The following PLEKHG3 variants were observed in gnomAD, a reference collection of about 807,000 sequenced individuals.
PLEKHG3 encodes the protein pleckstrin homology domain-containing family G member 3.
A neutral mutation model predicts 94.9 loss-of-function variants in PLEKHG3; 62 were observed. The ratio of observed to expected loss-of-function variants is 0.65; its 90% CI spans 0.53 to 0.81. PLEKHG3 has a LOEUF of 0.81. Ranked by LOEUF, PLEKHG3 falls within the 30% of genes least tolerant of loss-of-function variation. The pLI, the probability that PLEKHG3 is intolerant of heterozygous loss-of-function variation, is 0.00. For missense variants in PLEKHG3, 1,461 were observed against 1,619.3 expected (o/e 0.90, Z 1.68); for synonymous variants, 614 against 654.0 (o/e 0.94, Z 0.93).
intron 1 of PLEKHG3, among the ~76,000 whole-genome samples, chr14:64,711,273 C>T (rs1291310266): frequency 6.6e-6 from 1 of 152,202 alleles, no homozygotes; most frequent in African/African-American, 2.4e-5. Flanking sequence ...GATGCCCTCT[C>T]TCTACAGAGG....
chr14:64,731,267 G>A lies in PLEKHG3; in HGVS notation c.850-94G>A. The A allele has an allele frequency of 6.9e-7, 1 of 1,453,506 alleles. No individual in the cohort carries two copies. The highest frequency in any genetic ancestry group is 9.6e-7 in the Non-Finnish European group (1 of 1,045,428). The allele number at this position is 1,453,506 out of a possible 1,614,324, so 90.0% of individuals were successfully genotyped here. ...TGGCCACCCTGCTGGGATGAGCTGG[G>A]CAGTGGCATTGGGGGAGCCTTTGTG... On this transcript the variant is annotated intron_variant, in intron 7 of 16. Coordinates refer to ENST00000247226, the MANE Select transcript of PLEKHG3 (RefSeq NM_001308147.2). This position sits in a 1 kb window ranked among gnomAD's most constrained non-coding sequence, Gnocchi z 6.1.
Position 64,715,132 on chromosome 14 carries a change from G to C in PLEKHG3, c.-40+10428G>C, listed in dbSNP as rs117460775. 6.6e-6 allele frequency among the ~76,000 whole-genome samples: 1 copy of C among 152,310 alleles called. No individual in the cohort carries two copies. Among genetic ancestry groups the C allele is most frequent in the African/African-American group, 2.4e-5 (1 of 41,546 alleles). On this transcript the variant is annotated intron_variant, in intron 1 of 16. Transcript: ENST00000247226. The surrounding 1 kb of genome is among the most constrained non-coding windows in gnomAD (Gnocchi z 4.4). ...TGTTTTTGGAGGCATCTACAGGTGAGTTATGAATTCCCAGGTGACTCTATT... is the reference window on the plus strand; with the variant it reads ...TGTTTTTGGAGGCATCTACAGGTGACTTATGAATTCCCAGGTGACTCTATT...
chr14:64,705,333 C>G (rs897928983), intron 1 of PLEKHG3, among the ~76,000 whole-genome samples: 1 of 152,238 alleles, frequency 6.6e-6, no homozygotes, highest in Non-Finnish European at 1.5e-5. Context: ...CAGTATAAGG[C>G]GTGCAAGCTT....
Position 64,718,037 on chromosome 14 carries a change from G to A in PLEKHG3, c.-39-9556G>A, listed in dbSNP as rs936890695. On this transcript the variant is annotated intron_variant, in intron 1 of 16. Transcript: ENST00000247226. The surrounding 1 kb of genome is among the most constrained non-coding windows in gnomAD (Gnocchi z 5.0). ...GCGTGGGGGTGGTCTGGGTCCTCTCGGGACTCAGCTGCTCTCTTGGCAGCA... is the reference window on the plus strand; with the variant it reads ...GCGTGGGGGTGGTCTGGGTCCTCTCAGGACTCAGCTGCTCTCTTGGCAGCA... Among the ~76,000 whole-genome samples the A allele has an allele frequency of 6.6e-6, 1 of 152,130 alleles. No individual in the cohort carries two copies. Among genetic ancestry groups the A allele is most frequent in the South Asian group, 2.1e-4 (1 of 4,818 alleles).
At position 64,731,668 on chromosome 14, in the gene PLEKHG3, CA is replaced by C; in HGVS notation, c.1033-45del. 6.5e-7 allele frequency: 1 copy of C among 1,540,160 alleles called. No homozygotes were observed. The highest frequency in any genetic ancestry group is 9.0e-7 in the Non-Finnish European group (1 of 1,112,714). ...TCTGAGATCACCCTCCCTGCTTCCC[CA>C]GGCTGTCAACCTTGTGCTTGACTGT... On this transcript the variant is annotated intron_variant, in intron 8 of 16. Transcript: ENST00000247226. The surrounding 1 kb of genome is among the most constrained non-coding windows in gnomAD (Gnocchi z 6.1).
chr14:64,737,977 T>A (rs866424289), intron 14 of PLEKHG3: 23 of 1,195,824 alleles, frequency 1.9e-5, no homozygotes, highest in Admixed American at 2.7e-5. Flanking sequence ...GAGGAGGTGG[T>A]GGAGGAGGAG....
At position 64,731,849 on chromosome 14, in the gene PLEKHG3, C is replaced by T; in HGVS notation, c.1125+43C>T. On this transcript the variant is annotated intron_variant, in intron 9 of 16. Coordinates refer to ENST00000247226, the MANE Select transcript of PLEKHG3 (RefSeq NM_001308147.2). This position sits in a 1 kb window ranked among gnomAD's most constrained non-coding sequence, Gnocchi z 6.1. ...CTCAGGGGCTAGGGAACAAGATGCC[C>T]AGGGGACACCTGCGTGGGACTCCTG... The T allele has an allele frequency of 7.2e-7, 1 of 1,387,180 alleles. No individual in the cohort carries two copies. Among genetic ancestry groups the T allele is most frequent in the Non-Finnish European group, 1.0e-6 (1 of 975,484 alleles). The allele number at this position is 1,387,180 out of a possible 1,614,324, so 85.9% of individuals were successfully genotyped here.
At position 64,721,664 on chromosome 14, in the gene PLEKHG3, C is replaced by T. The variant is rs1028770058; in HGVS notation, c.-39-5929C>T. 2.6e-5 allele frequency among the ~76,000 whole-genome samples: 4 copies of T among 152,146 alleles called. No homozygotes were observed. Among genetic ancestry groups the T allele is most frequent in the African/African-American group, 9.7e-5 (4 of 41,428 alleles). ...GCACACAAAGTCACTCCCCGGGGAG[C>T]CTTCTCTCGCGCTTTATTACGGTGC... is the stretch of plus-strand genomic sequence containing the variant. On this transcript the variant is annotated intron_variant, in intron 1 of 16. Transcript: ENST00000247226. The surrounding 1 kb of genome is among the most constrained non-coding windows in gnomAD (Gnocchi z 4.3).
At chr14:64,734,325 C>G (rs970642254) in intron 12 of PLEKHG3, among the ~76,000 whole-genome samples, 14 of 152,148 alleles carry the variant, frequency 9.2e-5, no homozygotes, top group African/African-American at 3.4e-4. Flanking sequence ...TCTTCTTGTC[C>G]TCCTCAACTT....
chr14:64,715,760 C>T lies in PLEKHG3; in HGVS notation c.-40+11056C>T, dbSNP rs1594664543. On this transcript the variant is annotated intron_variant, in intron 1 of 16. Transcript: ENST00000247226. The surrounding 1 kb of genome is among the most constrained non-coding windows in gnomAD (Gnocchi z 4.4). ...TGCAGGTCCTCAGCCCTGTGGCGCTCACCTCCCAGGGCTGTGGCCTGGGTC... is the reference window on the plus strand; with the variant it reads ...TGCAGGTCCTCAGCCCTGTGGCGCTTACCTCCCAGGGCTGTGGCCTGGGTC... The T allele has an allele frequency of 3.1e-6, 1 of 321,232 alleles. No homozygotes were observed. Among genetic ancestry groups the T allele is most frequent in the East Asian group, 1.1e-4 (1 of 9,380 alleles). The allele number at this position is 321,232 out of a possible 1,614,324, so 19.9% of individuals were successfully genotyped here.
Position 64,718,593 on chromosome 14 carries a change from T to C in PLEKHG3, c.-39-9000T>C, listed in dbSNP as rs909522531. ...GGGTTATCTTCAAATCAGAGAGAGA[T>C]TGAGGCACAAAGAGCCCGCTGACTT... On this transcript the variant is annotated intron_variant, in intron 1 of 16. Transcript: ENST00000247226. This position sits in a 1 kb window ranked among gnomAD's most constrained non-coding sequence, Gnocchi z 5.0. 6.6e-6 allele frequency among the ~76,000 whole-genome samples: 1 copy of C among 152,194 alleles called. No homozygotes were observed. Among genetic ancestry groups the C allele is most frequent in the Non-Finnish European group, 1.5e-5 (1 of 68,038 alleles).
chr14:64,738,986 G>A lies in PLEKHG3; in HGVS notation c.1518+131G>A, dbSNP rs2139394696. 1.5e-6 allele frequency: 1 copy of A among 662,828 alleles called. No individual in the cohort carries two copies. Among genetic ancestry groups the A allele is most frequent in the South Asian group, 1.7e-5 (1 of 57,196 alleles). The allele number at this position is 662,828 out of a possible 1,614,324, so 41.1% of individuals were successfully genotyped here. The stretch of plus-strand genomic sequence containing the variant: ...GGGAACAGAGATTCCCCACCTCCCA[G>A]GACTCTCAGCCCTGCATGAAGCCTG... On this transcript the variant is annotated intron_variant, in intron 15 of 16. Transcript: ENST00000247226. This position sits in a 1 kb window ranked among gnomAD's most constrained non-coding sequence, Gnocchi z 4.8.
chr14:64,749,721 C>A lies in PLEKHG3; in HGVS notation c.*6018C>A. The A allele has an allele frequency of 6.2e-7, 1 of 1,612,378 alleles. No individual in the cohort carries two copies. Among genetic ancestry groups the A allele is most frequent in the Non-Finnish European group, 8.5e-7 (1 of 1,179,306 alleles). ...CCTAGGAGGACAAAGGGTTTCCTGT[C>A]ATGGAGACACCTCTGGAGGGGGCGC... On this transcript the variant is annotated 3_prime_UTR_variant, in exon 17 of 17. Transcript: ENST00000247226. The surrounding 1 kb of genome is among the most constrained non-coding windows in gnomAD (Gnocchi z 4.7).
In PLEKHG3 at chr14:64,750,097, A is replaced by C; in HGVS notation, c.*6394A>C. 2 of 1,614,200 alleles carry C rather than the reference A, an allele frequency of 1.2e-6. No individual in the cohort carries two copies. The highest frequency in any genetic ancestry group is 2.2e-5 in the South Asian group (2 of 91,082). On this transcript the variant is annotated 3_prime_UTR_variant, in exon 17 of 17. Coordinates refer to ENST00000247226, the MANE Select transcript of PLEKHG3 (RefSeq NM_001308147.2). ...GCATCCCCAGGGCCAGGTTCTTGGC[A>C]TCCTTGTAGAAGGTTAGCTCACTGT... is the stretch of plus-strand genomic sequence containing the variant.
At position 64,743,895 on chromosome 14, in the gene PLEKHG3, G is replaced by A. The variant is rs555930750; in HGVS notation, c.*192G>A. 9 of 538,998 alleles carry A rather than the reference G, an allele frequency of 1.7e-5. No individual in the cohort carries two copies. Among genetic ancestry groups the A allele is most frequent in the Admixed American group, 3.7e-5 (1 of 26,780 alleles). The allele number at this position is 538,998 out of a possible 1,614,324, so 33.4% of individuals were successfully genotyped here. On this transcript the variant is annotated 3_prime_UTR_variant, in exon 17 of 17. Coordinates refer to ENST00000247226, the MANE Select transcript of PLEKHG3 (RefSeq NM_001308147.2). The surrounding 1 kb of genome is among the most constrained non-coding windows in gnomAD (Gnocchi z 7.2). ...CTGCCTGTGCCATCCACTGGGGCTC[G>A]AGACAATTTCCCACTCACCTGTGAG... is the stretch of plus-strand genomic sequence containing the variant.
intron 12 of PLEKHG3, among the ~76,000 whole-genome samples, chr14:64,733,464 G>A (rs73273536): frequency 0.13 from 20,443 of 152,046 alleles, 1,431 homozygotes; most frequent in Middle Eastern, 0.18. Context: ...CACTGTACCC[G>A]TCCAGCCCAC....
In PLEKHG3 at chr14:64,743,504, GC is replaced by G; in HGVS notation, c.3465del (p.Thr1156LeufsTer50). 6.2e-7 allele frequency: 1 copy of G among 1,613,146 alleles called. No homozygotes were observed. The highest frequency in any genetic ancestry group is 1.1e-5 in the South Asian group (1 of 91,088). Reference protein sequence around the residue: ...VIVMEKGPLPSPTAGLEESSG... With the variant: ...VIVMEKGPLPXPTAGLEESSG... ...GTCATGGAGAAGGGACCCCTTCCCAGCCCCACTGCAGGGCTGGAGGAGAGCA... is the reference window on the plus strand; with the variant it reads ...GTCATGGAGAAGGGACCCCTTCCCAGCCCACTGCAGGGCTGGAGGAGAGCA... On this transcript the variant is annotated frameshift_variant, in exon 17 of 17. Transcript: ENST00000247226. LOFTEE classifies it low-confidence loss of function (END_TRUNC). The surrounding 1 kb of genome is among the most constrained non-coding windows in gnomAD (Gnocchi z 7.2).
chr14:64,729,875 G>A (rs1337355406), intron 3 of PLEKHG3, among the ~76,000 whole-genome samples: 4 of 152,288 alleles, frequency 2.6e-5, no homozygotes, highest in Non-Finnish European at 4.4e-5. Context: ...CATCCTGGGC[G>A]CCCTGGCTCC....
rs930285639 is a variant in PLEKHG3 at position 64,715,290 on chromosome 14, C to T, written c.-40+10586C>T. On this transcript the variant is annotated intron_variant, in intron 1 of 16. Transcript: ENST00000247226. The surrounding 1 kb of genome is among the most constrained non-coding windows in gnomAD (Gnocchi z 4.4). ...AGATGGCCTTCTTGGCTTCGTCTCTCGGGCCATGTGGGAGGTTGTGGAGAG... is the reference window on the plus strand; with the variant it reads ...AGATGGCCTTCTTGGCTTCGTCTCTTGGGCCATGTGGGAGGTTGTGGAGAG... Among the ~76,000 whole-genome samples the T allele has an allele frequency of 4.6e-5, 7 of 152,136 alleles. No homozygotes were observed. The highest frequency in any genetic ancestry group is 8.8e-5 in the Non-Finnish European group (6 of 68,022).
Sources: allele counts gnomAD v4.1 joint callset (sites outside exome capture counted in the v4.1 genomes callset), GRCh38; gene constraint gnomAD v4.1.1; non-coding constraint Gnocchi (gnomAD v3.1); transcripts MANE v1.5; gene names NCBI Gene and HGNC (gene_info 2026-07-23, HGNC 2026-07-21).